Variants in RIPOR2 observed in about 807,000 individuals in gnomAD.
The protein encoded by RIPOR2 is RHO family interacting cell polarization regulator 2, also known as rho family-interacting cell polarization regulator 2.
Under a neutral mutation model 114.5 loss-of-function variants are expected in RIPOR2, and 39 were observed. The observed-to-expected ratio is 0.34, with a 90% CI of 0.26 to 0.44. The LOEUF (loss-of-function observed/expected upper bound fraction) is 0.44, where lower values mean the gene tolerates loss of function less well. Among genes scored for constraint, RIPOR2 ranks in the 20% least tolerant of loss-of-function variants. The probability of loss-of-function intolerance (pLI) is 1.00; values close to 1 mark genes in which losing one functional copy is unlikely to be tolerated. For synonymous variants in RIPOR2, 445 were observed against 484.4 expected, an observed-to-expected ratio of 0.92 and a Z score of 1.07; for missense variants, 1,007 against 1,255.1, an observed-to-expected ratio of 0.80 and a Z score of 2.99.
At chr6:24,996,486 A>G (rs765765814) in intron 1 of RIPOR2, among the ~76,000 whole-genome samples, 2 of 152,174 alleles carry the variant, frequency 1.3e-5, no homozygotes, top group African/African-American at 2.4e-5. Flanking sequence ...TCGTCTATAC[A>G]GTCCTGACCC....
At chr6:24,891,588 C>T (rs746746247) in intron 1 of RIPOR2, among the ~76,000 whole-genome samples, 2 of 151,838 alleles carry the variant, frequency 1.3e-5, no homozygotes, top group Non-Finnish European at 2.9e-5. Context: ...CTTATGTATC[C>T]GAGACTGGAT....
At chr6:24,910,967 G>T (rs1365780435) in intron 1 of RIPOR2, 1 of 985,212 alleles carries the variant, frequency 1.0e-6, no homozygotes, top group Non-Finnish European at 1.2e-6. Context: ...GGGGACCCCG[G>T]GAGGAAGTCG....
chr6:24,978,458 G>A (rs970476581), intron 1 of RIPOR2, among the ~76,000 whole-genome samples: 2 of 151,992 alleles, frequency 1.3e-5, no homozygotes, highest in African/African-American at 4.8e-5. Context: ...TATACCAAAG[G>A]TCTTTGCATG....
intron 21 of RIPOR2, 35 bp downstream of exon 21, chr6:24,809,682 C>T: frequency 1.5e-6 from 2 of 1,377,072 alleles, no homozygotes. Flanking sequence ...GTGCCAGAAG[C>T]AAACAATCAT....
intron 1 of RIPOR2, among the ~76,000 whole-genome samples, chr6:24,971,496 G>A (rs1435935711): frequency 1.3e-5 from 2 of 152,234 alleles, no homozygotes; most frequent in Admixed American, 6.5e-5. Flanking sequence ...CTTTCAAAAT[G>A]TTGACTGATA....
At chr6:24,989,904 C>T (rs1774719047) in intron 1 of RIPOR2, among the ~76,000 whole-genome samples, 1 of 151,878 alleles carries the variant, frequency 6.6e-6, no homozygotes, top group African/African-American at 2.4e-5. Context: ...GTGGTGGGCG[C>T]CTGTAATCCT....
chr6:25,004,341 T>C (rs927678860), intron 1 of RIPOR2, among the ~76,000 whole-genome samples: 2 of 152,198 alleles, frequency 1.3e-5, no homozygotes, highest in Non-Finnish European at 2.9e-5. Flanking sequence ...CACAATCAGA[T>C]GCAAGTTAAA....
intron 8 of RIPOR2, among the ~76,000 whole-genome samples, chr6:24,857,397 A>T (rs1763579356): frequency 6.6e-6 from 1 of 152,142 alleles, no homozygotes; most frequent in Non-Finnish European, 1.5e-5. Flanking sequence ...GGGGGCTTGC[A>T]GGGGTCATAC....
chr6:24,905,558 G>T (rs940986842), intron 1 of RIPOR2, among the ~76,000 whole-genome samples: 1 of 152,218 alleles, frequency 6.6e-6, no homozygotes, highest in African/African-American at 2.4e-5. Context: ...CTGCATATCA[G>T]CAGGGCACCT....
At chr6:24,822,673 C>A (rs569930685) in intron 19 of RIPOR2, among the ~76,000 whole-genome samples, 1 of 152,246 alleles carries the variant, frequency 6.6e-6, no homozygotes, top group African/African-American at 2.4e-5. Context: ...TGCCCACCAC[C>A]ACGCCCAGCT....
chr6:24,948,301 T>C (rs536332618), intron 1 of RIPOR2: 1 of 152,276 alleles, frequency 6.6e-6, no homozygotes, highest in South Asian at 2.1e-4. Context: ...CCAGTAGAGA[T>C]CCCCATCCGT....
intron 1 of RIPOR2, among the ~76,000 whole-genome samples, chr6:24,907,875 G>T (rs1259191510): frequency 6.6e-6 from 1 of 152,158 alleles, no homozygotes; most frequent in Non-Finnish European, 1.5e-5. Flanking sequence ...ATTGCAGGGT[G>T]TTTACATGAC....
chr6:24,983,136 A>G (rs1467421224), intron 1 of RIPOR2, among the ~76,000 whole-genome samples: 1 of 151,894 alleles, frequency 6.6e-6, no homozygotes, highest in African/African-American at 2.4e-5. Context: ...CTTGGCCCAA[A>G]TAAACTCTCT....
chr6:24,873,034 C>G (rs1314646800), intron 3 of RIPOR2, 75 bp from the exon 4 acceptor site: 1 of 1,013,496 alleles, frequency 9.9e-7, no homozygotes, highest in South Asian at 1.3e-5. Context: ...GCTGACTTTT[C>G]CTTCTCAAAG....
rs192301153 is a variant in RIPOR2 at position 24,843,027 on chromosome 6, A to C, written c.1692T>G (p.Ser564=). 8.6e-5 allele frequency: 138 copies of C among 1,608,368 alleles called. 2 individuals carry two copies. The East Asian group carries it at 3.0e-3, about 35-fold the overall frequency. Residue 564 remains serine (S), a synonymous_variant, in exon 13 of 22, where the codon TCT becomes TCG. Coordinates refer to ENST00000643898, the MANE Select transcript of RIPOR2 (RefSeq NM_001286445.3). ...CAGATTCTCCACCAACAGAACCCTCAGAGAGCAGCCTGTCTGTGGCCATTG... is the reference window on the plus strand; with the variant it reads ...CAGATTCTCCACCAACAGAACCCTCCGAGAGCAGCCTGTCTGTGGCCATTG... The part of the protein sequence containing the change: ...EVPMATDRLL[S]EGSVGGESEG...
chr6:24,853,215 C>A (rs1299362194), intron 8 of RIPOR2, among the ~76,000 whole-genome samples: 2 of 140,880 alleles, frequency 1.4e-5, no homozygotes, highest in South Asian at 2.4e-4. Flanking sequence ...TCAATCCAAC[C>A]AACCAAATGA....
intron 1 of RIPOR2, among the ~76,000 whole-genome samples, chr6:24,905,810 A>C (rs900309684): frequency 6.6e-6 from 1 of 152,188 alleles, no homozygotes; most frequent in African/African-American, 2.4e-5. Context: ...TGTATTTCTC[A>C]GGTACTCTCC....
chr6:25,028,846 G>T (rs1265934785), intron 1 of RIPOR2, among the ~76,000 whole-genome samples: 1 of 152,216 alleles, frequency 6.6e-6, no homozygotes, highest in Non-Finnish European at 1.5e-5. Context: ...CCACACCAGG[G>T]TGGGAAAGTA....
rs62402040 is a variant in RIPOR2 at position 24,913,796 on chromosome 6, C to T, written c.61+22042G>A. 2.5e-3 allele frequency among the ~76,000 whole-genome samples: 373 copies of T among 152,216 alleles called. 1 individual carries two copies. Among genetic ancestry groups the T allele is most frequent in the Middle Eastern group, 6.8e-3 (2 of 294 alleles). ...TTCTTACTATCCCTTAGGCAGGATT[C>T]TTTATCCCCAAAACTTCACTGAGCA... On this transcript the variant is annotated intron_variant, in intron 1 of 21. Transcript: ENST00000643898.
Sources: gnomAD v4.1 joint callset for allele counts (sites outside exome capture counted in the v4.1 genomes callset) on GRCh38, gnomAD v4.1.1 for gene constraint, MANE v1.5 for transcripts, NCBI Gene and HGNC (gene_info 2026-07-23, HGNC 2026-07-21) for gene names.